The following AUTS2 variants were observed in gnomAD, a reference collection of about 807,000 sequenced individuals.
AUTS2 encodes the protein autism susceptibility gene 2 protein.
In AUTS2, 17 loss-of-function variants were observed where a neutral mutation model predicts 112.4. The observed-to-expected ratio is 0.15, with a 90% confidence interval of 0.10 to 0.23. The LOEUF (loss-of-function observed/expected upper bound fraction) is 0.23. Ranked by LOEUF, AUTS2 falls within the 10% of genes least tolerant of loss-of-function variation. The pLI is 1.00. For synonymous variants in AUTS2, 751 were observed against 702.7 expected, an observed-to-expected ratio of 1.07 and a Z score of -1.09; for missense variants, 1,510 against 1,701.6, an observed-to-expected ratio of 0.89 and a Z score of 1.98.
chr7:69,641,817 C>G (rs1794809395), intron 1 of AUTS2, among the ~76,000 whole-genome samples: 1 of 152,186 alleles, frequency 6.6e-6, no homozygotes, highest in Non-Finnish European at 1.5e-5. Context: ...ATCTGGAATA[C>G]TATAAGCACA....
intron 1 of AUTS2, among the ~76,000 whole-genome samples, chr7:69,666,968 T>C (rs951889401): frequency 6.6e-5 from 10 of 152,134 alleles, no homozygotes; most frequent in Admixed American, 3.3e-4. Context: ...GCTCAGTCCA[T>C]TTTCTACTGA....
intron 1 of AUTS2, among the ~76,000 whole-genome samples, chr7:69,854,084 T>C (rs942086522): frequency 8.5e-5 from 13 of 152,180 alleles, no homozygotes. Flanking sequence ...ACATATTCCA[T>C]TAAGAAATTT....
chr7:70,102,540 C>T (rs2129569760), intron 2 of AUTS2, among the ~76,000 whole-genome samples: 1 of 152,160 alleles, frequency 6.6e-6, no homozygotes, highest in Non-Finnish European at 1.5e-5. Context: ...ATCACACACA[C>T]ACACACACAC....
intron 4 of AUTS2, among the ~76,000 whole-genome samples, chr7:70,318,710 T>A (rs1790115315): frequency 6.6e-6 from 1 of 152,192 alleles, no homozygotes; most frequent in South Asian, 2.1e-4. Context: ...GGCTGTTTGC[T>A]GTAGAGGAGG....
At chr7:69,881,418 A>G (rs1794041413) in intron 1 of AUTS2, among the ~76,000 whole-genome samples, 1 of 151,840 alleles carries the variant, frequency 6.6e-6, no homozygotes, top group Non-Finnish European at 1.5e-5. Flanking sequence ...CTTGTAGGTA[A>G]TATTTTCATG....
At chr7:70,536,467 C>G (rs955553888) in intron 5 of AUTS2, among the ~76,000 whole-genome samples, 1 of 151,370 alleles carries the variant, frequency 6.6e-6, no homozygotes, top group Non-Finnish European at 1.5e-5. Flanking sequence ...TTGGTCCTCA[C>G]CGTGAATATG....
chr7:70,107,270 A>G (rs1352371175), intron 2 of AUTS2, among the ~76,000 whole-genome samples: 2 of 151,034 alleles, frequency 1.3e-5, no homozygotes, highest in Non-Finnish European at 2.9e-5. Flanking sequence ...ACTAGCACAC[A>G]TGATACTTTT....
intron 1 of AUTS2, among the ~76,000 whole-genome samples, chr7:69,710,742 C>G (rs775630855): frequency 2.6e-5 from 4 of 152,222 alleles, no homozygotes; most frequent in Non-Finnish European, 5.9e-5. Context: ...ATCTGTTAAA[C>G]TAACACCTCC....
At chr7:69,763,585 T>G (rs1245612767) in intron 1 of AUTS2, among the ~76,000 whole-genome samples, 1 of 152,204 alleles carries the variant, frequency 6.6e-6, no homozygotes, top group Admixed American at 6.5e-5. Context: ...AGACCGAGAC[T>G]GTGGGTTTTT....
chr7:70,772,767 G>T (rs778932680), intron 11 of AUTS2, among the ~76,000 whole-genome samples: 2 of 152,194 alleles, frequency 1.3e-5, no homozygotes, highest in Non-Finnish European at 1.5e-5. Flanking sequence ...GATATACAGG[G>T]CTTTTATGAC....
At chr7:70,006,949 T>A (rs2129553669) in intron 2 of AUTS2, among the ~76,000 whole-genome samples, 1 of 152,300 alleles carries the variant, frequency 6.6e-6, no homozygotes. Flanking sequence ...GTACATTGAA[T>A]CCAGGATGGG....
At chr7:69,812,608 G>A (rs576796599) in intron 1 of AUTS2, among the ~76,000 whole-genome samples, 1 of 152,214 alleles carries the variant, frequency 6.6e-6, no homozygotes, top group South Asian at 2.1e-4. Flanking sequence ...TGGTGCGTCC[G>A]TTGCCATGGG....
intron 2 of AUTS2, among the ~76,000 whole-genome samples, chr7:70,070,656 GA>G (rs1802716072): frequency 6.6e-6 from 1 of 152,142 alleles, no homozygotes; most frequent in Non-Finnish European, 1.5e-5. Context: ...ATGAGGTCAA[GA>G]GATCGAGACC....
At chr7:69,651,152 G>C (rs868554038) in intron 1 of AUTS2, among the ~76,000 whole-genome samples, 1 of 152,220 alleles carries the variant, frequency 6.6e-6, no homozygotes, top group African/African-American at 2.4e-5. Context: ...AGGACTGCCT[G>C]GGCGTGACTG....
intron 4 of AUTS2, among the ~76,000 whole-genome samples, chr7:70,415,716 G>A (rs1201996745): frequency 1.3e-5 from 2 of 152,154 alleles, no homozygotes; most frequent in Non-Finnish European, 2.9e-5. Flanking sequence ...TTTGGGTGGA[G>A]AGACATCTAT....
At chr7:70,175,629 G>C (rs924675127) in intron 4 of AUTS2, among the ~76,000 whole-genome samples, 3 of 152,118 alleles carry the variant, frequency 2.0e-5, no homozygotes, top group African/African-American at 7.2e-5. Context: ...AGTCTGATCA[G>C]TCAGCAACCA....
At chr7:70,416,716 G>A (rs1446956056) in intron 4 of AUTS2, among the ~76,000 whole-genome samples, 4 of 152,184 alleles carry the variant, frequency 2.6e-5, no homozygotes, top group African/African-American at 7.2e-5. Flanking sequence ...CAGCCCTGCC[G>A]ACGCAGCGCC....
At chr7:70,463,763 T>C (rs1215389659) in intron 5 of AUTS2, among the ~76,000 whole-genome samples, 1 of 152,210 alleles carries the variant, frequency 6.6e-6, no homozygotes, top group African/African-American at 2.4e-5. Context: ...ATTAATCTCA[T>C]TGTGCTAGTA....
chr7:70,333,812 T>G (rs1223649100), intron 4 of AUTS2, among the ~76,000 whole-genome samples: 1 of 150,552 alleles, frequency 6.6e-6, no homozygotes, highest in Non-Finnish European at 1.5e-5. Flanking sequence ...TGTTGGGGGG[T>G]GGAGGGCTAG....
Sources: allele counts gnomAD v4.1 joint callset (sites outside exome capture counted in the v4.1 genomes callset), GRCh38; gene constraint gnomAD v4.1.1; transcripts MANE v1.5; gene names NCBI Gene and HGNC (gene_info 2026-07-23, HGNC 2026-07-21).